Variants in ZZZ3 observed in about 807,000 individuals in gnomAD.
ZZZ3 encodes ZZ-type zinc finger-containing protein 3.
In ZZZ3, 22 loss-of-function variants were observed where a neutral mutation model predicts 95.2. That is an observed-to-expected ratio of 0.23 (90% confidence interval 0.17 to 0.33). The LOEUF (loss-of-function observed/expected upper bound fraction) is 0.33, where lower values mean the gene tolerates loss of function less well. Among genes scored for constraint, ZZZ3 ranks in the 10% least tolerant of loss-of-function variants. ZZZ3 has a pLI of 1.00. For synonymous variants in ZZZ3, 335 were observed against 358.9 expected (o/e 0.93, Z 0.75); for missense variants, 885 against 1,066.5 (o/e 0.83, Z 2.37).
At chr1:77,661,553 A>C (rs1327600877) in intron 1 of ZZZ3, among the ~76,000 whole-genome samples, 1 of 152,216 alleles carries the variant, frequency 6.6e-6, no homozygotes, top group East Asian at 1.9e-4. Context: ...TAGCTGCCCT[A>C]ATCACAGAGG....
intron 1 of ZZZ3, among the ~76,000 whole-genome samples, chr1:77,674,925 C>T (rs1330424782): frequency 6.7e-6 from 1 of 148,806 alleles, no homozygotes; most frequent in Non-Finnish European, 1.5e-5. Context: ...GCACTCCAGC[C>T]TGGGCAACAG....
rs970497369 is a variant in ZZZ3, at chr1:77,562,929, C to T, written c.*2711G>A. The T allele has an allele frequency of 6.6e-6, 1 of 152,364 alleles. No individual in the cohort carries two copies. The highest frequency in any genetic ancestry group is 2.4e-5 in the African/African-American group (1 of 41,466). 9.4% of individuals were successfully genotyped at this position (152,364 alleles called of 1,614,324 possible). On this transcript the variant is annotated 3_prime_UTR_variant, in exon 15 of 15. Transcript: ENST00000370801. Reference sequence around the variant, plus strand: ...AATCCAAGCATGACCACTTTACTAACTATACGACCTTGGGCAGGTTAATTA... The same window carrying T: ...AATCCAAGCATGACCACTTTACTAATTATACGACCTTGGGCAGGTTAATTA...
intron 5 of ZZZ3, among the ~76,000 whole-genome samples, chr1:77,606,402 G>A (rs1027771146): frequency 1.3e-5 from 2 of 152,328 alleles, no homozygotes; most frequent in South Asian, 4.1e-4. Flanking sequence ...CCTCCCCAGA[G>A]TCTCAGGGAA....
Position 77,568,409 on chromosome 1 carries a change from G to T in ZZZ3, c.2389C>A (p.Gln797Lys). Residue 797 changes from glutamine to lysine, a missense_variant, in exon 13 of 15, where the codon CAG (glutamine) becomes AAG (lysine). By Grantham distance (53) the Gln-to-Lys change is moderately conservative. This residue lies in a region of ZZZ3 where 221 missense variants were observed against 247.8 expected (regional missense o/e 0.89). Transcript: ENST00000370801. ...RNLPEYKELLQFKKLKKQKLQ... is the reference protein window; with the variant it reads ...RNLPEYKELLKFKKLKKQKLQ... The stretch of plus-strand genomic sequence containing the variant: ...TTCTGCTTCTTTAACTTTTTAAACT[G>T]TAATAGTTCTTTATATTCAGGTAAA... The T allele has an allele frequency of 6.5e-7, 1 of 1,529,190 alleles. No homozygotes were observed. 94.7% of individuals were successfully genotyped at this position (1,529,190 alleles called of 1,614,324 possible).
chr1:77,608,606 T>A (rs1665476724), intron 5 of ZZZ3, among the ~76,000 whole-genome samples: 1 of 152,084 alleles, frequency 6.6e-6, no homozygotes, highest in Admixed American at 6.6e-5. Flanking sequence ...AAACACAGAA[T>A]AATATAACAC....
At position 77,632,243 on chromosome 1, in the gene ZZZ3, G is replaced by A; in HGVS notation, c.1112C>T (p.Pro371Leu). The A allele has an allele frequency of 3.7e-6, 6 of 1,614,006 alleles. No homozygotes were observed. The highest frequency in any genetic ancestry group is 2.2e-5 in the East Asian group (1 of 44,882). ...VSAQMMSLSE[P>L]QEHRYTLRTS... is the part of the protein sequence containing the mutation. Reference sequence around the variant, plus strand: ...TCTCAGAGTATAACGATGTTCTTGAGGTTCTGATAAAGACATCATTTGAGC... The same window carrying A: ...TCTCAGAGTATAACGATGTTCTTGAAGTTCTGATAAAGACATCATTTGAGC... The change falls in exon 5 of 15, where the codon CCT (proline) becomes CTT (leucine). Residue 371 changes from proline (P) to leucine (L), a missense_variant. Physicochemically the swap from Pro to Leu is moderately conservative, Grantham distance 98. Transcript: ENST00000370801.
intron 1 of ZZZ3, among the ~76,000 whole-genome samples, chr1:77,678,700 T>C (rs1344576586): frequency 2.0e-5 from 3 of 152,220 alleles, no homozygotes; most frequent in African/African-American, 7.2e-5. Flanking sequence ...CAGCTGCCAA[T>C]GTCCCTAACT....
chr1:77,639,343 C>T, intron 4 of ZZZ3, 106 bp downstream of exon 4: 5 of 893,266 alleles, frequency 5.6e-6, no homozygotes, highest in Non-Finnish European at 7.9e-6. Context: ...CAAGTTGCCA[C>T]CCAGAGGATG....
intron 4 of ZZZ3, among the ~76,000 whole-genome samples, chr1:77,633,909 C>T (rs963072567): frequency 1.3e-5 from 2 of 152,168 alleles, no homozygotes; most frequent in Non-Finnish European, 2.9e-5. Context: ...CAGTGGCTCA[C>T]ACCTGTAATC....
chr1:77,646,260 C>T (rs186447138), intron 1 of ZZZ3, among the ~76,000 whole-genome samples: 78 of 152,010 alleles, frequency 5.1e-4, no homozygotes, highest in Middle Eastern at 3.4e-3. Context: ...CACTCTGTTG[C>T]CCAGGCTGGA....
At chr1:77,670,073 C>CA (rs1491487658) in intron 1 of ZZZ3, among the ~76,000 whole-genome samples, 1 of 34,546 alleles carries the variant, frequency 2.9e-5, no homozygotes, top group Non-Finnish European at 4.9e-5. Context: ...AATATTGTGA[C>CA]CCCCCCCCCC....
At chr1:77,679,061 AG>A (rs1227605345) in intron 1 of ZZZ3, among the ~76,000 whole-genome samples, 2 of 152,230 alleles carry the variant, frequency 1.3e-5, no homozygotes, top group African/African-American at 4.8e-5. Flanking sequence ...TCAGCTGAAA[AG>A]AAAAACAGAA....
At chr1:77,681,060 T>A (rs1287501023) in intron 1 of ZZZ3, among the ~76,000 whole-genome samples, 1 of 152,182 alleles carries the variant, frequency 6.6e-6, no homozygotes, top group East Asian at 1.9e-4. Context: ...TATCACTAAA[T>A]AAAAATTTAA....
chr1:77,578,120 T>C (rs1056024900), intron 11 of ZZZ3, among the ~76,000 whole-genome samples: 1 of 152,128 alleles, frequency 6.6e-6, no homozygotes, highest in Non-Finnish European at 1.5e-5. Flanking sequence ...TAAAAGGTTA[T>C]AGAACAGTAG....
intron 1 of ZZZ3, among the ~76,000 whole-genome samples, chr1:77,664,768 G>A (rs1213921364): frequency 6.6e-6 from 1 of 152,174 alleles, no homozygotes; most frequent in Non-Finnish European, 1.5e-5. Context: ...TACCTTTTTA[G>A]ATACTTCTCT....
chr1:77,585,106 C>T (rs1469933955), intron 5 of ZZZ3: 2 of 152,288 alleles, frequency 1.3e-5, no homozygotes, highest in African/African-American at 4.8e-5. Flanking sequence ...TCACATAATT[C>T]CAATGTGATT....
chr1:77,643,421 TAC>T (rs1424044084), intron 1 of ZZZ3, among the ~76,000 whole-genome samples: 1 of 152,234 alleles, frequency 6.6e-6, no homozygotes, highest in Admixed American at 6.5e-5. Context: ...ATTATTTAAC[TAC>T]AGTTACTTAC....
intron 6 of ZZZ3, among the ~76,000 whole-genome samples, chr1:77,584,053 G>A (rs1401879563): frequency 6.6e-6 from 1 of 152,124 alleles, no homozygotes; most frequent in Non-Finnish European, 1.5e-5. Flanking sequence ...TAACTCTAAA[G>A]ATATTTAAAA....
chr1:77,636,008 TTTTTAAA>T (rs563923786), intron 4 of ZZZ3, among the ~76,000 whole-genome samples: 4 of 152,352 alleles, frequency 2.6e-5, no homozygotes, highest in Middle Eastern at 3.4e-3. Context: ...AGATTACTTA[TTTTTAAA>T]TATTAAATAT....
Sources: gnomAD v4.1 joint callset for allele counts (sites outside exome capture counted in the v4.1 genomes callset) on GRCh38, gnomAD v4.1.1 for gene constraint, gnomAD v4.1.1 regional missense constraint, MANE v1.5 for transcripts, NCBI Gene and HGNC (gene_info 2026-07-23, HGNC 2026-07-21) for gene names.